The following NLRC5 variants were observed in gnomAD, a reference collection of about 807,000 sequenced individuals.
NLRC5 encodes NLR family CARD domain containing 5.
In NLRC5, 114 loss-of-function variants were observed where a neutral mutation model predicts 206.9. That is an observed-to-expected ratio of 0.55 (90% CI 0.47 to 0.64). The LOEUF (loss-of-function observed/expected upper bound fraction) is 0.64, where lower values mean the gene tolerates loss of function less well. Among genes scored for constraint, NLRC5 ranks in the 30% least tolerant of loss-of-function variants. The pLI is 0.00. For missense variants in NLRC5, 2,008 were observed against 2,305.5 expected (o/e 0.87, Z 2.64); for synonymous variants, 952 against 962.8 (o/e 0.99, Z 0.21).
intron 1 of NLRC5, among the ~76,000 whole-genome samples, chr16:56,998,055 T>C (rs1324270820): frequency 6.6e-6 from 1 of 152,150 alleles, no homozygotes; most frequent in Non-Finnish European, 1.5e-5. Context: ...TCTAGCCGTC[T>C]AGCCCCTCCA....
chr16:56,994,951 G>A (rs1379193280), intron 1 of NLRC5, among the ~76,000 whole-genome samples: 1 of 152,202 alleles, frequency 6.6e-6, no homozygotes, highest in Non-Finnish European at 1.5e-5. Context: ...GAGATGGGCA[G>A]ATCACTTGAG....
Position 57,059,468 on chromosome 16 carries a change from C to A in NLRC5, c.3922C>A (p.Leu1308Met). 1 of 1,608,140 alleles carries A rather than the reference C, an allele frequency of 6.2e-7. No homozygotes were observed. Among genetic ancestry groups the A allele is most frequent in the Non-Finnish European group, 8.5e-7 (1 of 1,177,274 alleles). The change falls in exon 30 of 49, where the codon CTG (leucine) becomes ATG (methionine). Residue 1308 changes from leucine (L) to methionine (M), a missense_variant and splice_region_variant. Leu to Met is a conservative substitution (Grantham distance 15). Transcript: ENST00000688547. ...CPRVREASVN[L>M]GSEQSFRIHF... ...TTCCCCAGGCCCTTCTCTCTGCAGC[C>A]TGGGCTCTGAGCAGAGCTTCCGGAT...
In NLRC5 at chr16:57,054,594, CT is replaced by C. The variant is rs377011776; in HGVS notation, c.3507-156del. On this transcript the variant is annotated intron_variant, in intron 24 of 48. Transcript: ENST00000688547. ...AACTGGGACTCAAATCCAAATCTGCCTGTCCCTCAGCCCTATTTGTGCCTCT... is the reference window on the plus strand; with the variant it reads ...AACTGGGACTCAAATCCAAATCTGCCGTCCCTCAGCCCTATTTGTGCCTCT... Among the ~76,000 whole-genome samples, 795 of 152,246 alleles carry C rather than the reference CT, an allele frequency of 5.2e-3. 6 individuals are homozygous for C. The highest frequency in any genetic ancestry group is 0.018 in the African/African-American group (745 of 41,536).
intron 20 of NLRC5, 91 bp downstream of exon 20, chr16:57,043,695 T>C: frequency 2.0e-6 from 2 of 985,062 alleles, no homozygotes; most frequent in Admixed American, 1.7e-5. Context: ...ACCAGTTTCA[T>C]GCCAACCTGT....
At chr16:57,023,686 G>A (rs753064547) in intron 4 of NLRC5, 99 bp from the exon 5 acceptor site, 7 of 984,412 alleles carry the variant, frequency 7.1e-6, no homozygotes, top group Non-Finnish European at 1.1e-5. Flanking sequence ...TTGGCTGCCT[G>A]CCACCTGTCT....
At chr16:57,010,554 G>A (rs528005417) in intron 1 of NLRC5, among the ~76,000 whole-genome samples, 1 of 152,146 alleles carries the variant, frequency 6.6e-6, no homozygotes, top group South Asian at 2.1e-4. Flanking sequence ...TTTATTTTTT[G>A]TAGAGACTGA....
chr16:57,039,963 C>T (rs1025271330), intron 16 of NLRC5, 114 bp downstream of exon 16: 18 of 930,278 alleles, frequency 1.9e-5, no homozygotes, highest in Middle Eastern at 2.3e-4. Context: ...GACAAATTCA[C>T]GGAAGAGCGG....
At chr16:57,018,072 C>A (rs16965070) in intron 2 of NLRC5, among the ~76,000 whole-genome samples, 9,823 of 152,276 alleles carry the variant, frequency 0.065, 350 homozygotes, top group South Asian at 0.092. Flanking sequence ...GTTAGACTGG[C>A]TGGAGGAGAA....
At chr16:57,048,961 G>A (rs2064410001) in intron 23 of NLRC5, among the ~76,000 whole-genome samples, 1 of 152,118 alleles carries the variant, frequency 6.6e-6, no homozygotes, top group South Asian at 2.1e-4. Flanking sequence ...AGTACGGGAC[G>A]AGCTGCAAGT....
At chr16:56,995,489 A>G (rs2057489390) in intron 1 of NLRC5, among the ~76,000 whole-genome samples, 1 of 152,178 alleles carries the variant, frequency 6.6e-6, no homozygotes, top group Admixed American at 6.5e-5. Flanking sequence ...TTTATTTTTT[A>G]AATGTTTGAA....
Position 57,059,547 on chromosome 16 carries a change from G to T in NLRC5, c.3986+15G>T, listed in dbSNP as rs1488973090. 14 of 1,603,952 alleles carry T rather than the reference G, an allele frequency of 8.7e-6. No individual in the cohort carries two copies. The highest frequency in any genetic ancestry group is 1.1e-5 in the Non-Finnish European group (13 of 1,174,074). ...AAGACACTCAGGTAATCCCTGCAGG[G>T]TGATGGGACAGGGGACAGAGAGGGG... On this transcript the variant is annotated intron_variant, in intron 30 of 48. Coordinates refer to ENST00000688547, the MANE Select transcript of NLRC5 (RefSeq NM_001384950.1).
At chr16:57,030,197 T>TA (rs1242073917) in intron 10 of NLRC5, 113 bp downstream of exon 10, 2 of 815,574 alleles carry the variant, frequency 2.5e-6, no homozygotes, top group Non-Finnish European at 4.0e-6. Flanking sequence ...GTGCATACCC[T>TA]ACTGTTTTAC....
chr16:57,040,719 GTA>G lies in NLRC5; in HGVS notation c.2939+2_2939+3del. The G allele has an allele frequency of 6.2e-7, 1 of 1,613,950 alleles. No individual in the cohort carries two copies. The highest frequency in any genetic ancestry group is 1.1e-5 in the South Asian group (1 of 91,082). On this transcript the variant is annotated splice_donor_variant and splice_donor_region_variant and intron_variant, in intron 17 of 48. Coordinates refer to ENST00000688547, the MANE Select transcript of NLRC5 (RefSeq NM_001384950.1). LOFTEE classifies it high-confidence loss of function. Reference sequence around the variant, plus strand: ...TGCCTCTGAGCTCCCGAAGGATGAGGTACAGTGATGGCCTCCAGCCCTGTGTG... The same window carrying G: ...TGCCTCTGAGCTCCCGAAGGATGAGGCAGTGATGGCCTCCAGCCCTGTGTG...
At chr16:57,016,685 G>C (rs777735567) in intron 1 of NLRC5, among the ~76,000 whole-genome samples, 22 of 152,248 alleles carry the variant, frequency 1.4e-4, no homozygotes, top group Middle Eastern at 3.4e-3. Context: ...TTTATATTGG[G>C]GGCAAAAGTT....
At chr16:57,007,055 T>C (rs1456309297) in intron 1 of NLRC5, among the ~76,000 whole-genome samples, 1 of 152,094 alleles carries the variant, frequency 6.6e-6, no homozygotes, top group South Asian at 2.1e-4. Flanking sequence ...TTCTTGTGGC[T>C]TTTTTAGAAA....
rs145278986 is a variant in NLRC5, at chr16:56,995,743, G to A, written c.-128+6126G>A. Among the ~76,000 whole-genome samples, 92 of 152,318 alleles carry A rather than the reference G, an allele frequency of 6.0e-4. 1 individual carries two copies. The highest frequency in any genetic ancestry group is 2.0e-3 in the African/African-American group (82 of 41,564). On this transcript the variant is annotated intron_variant, in intron 1 of 48. Transcript: ENST00000688547. ...CATTCAGATCTTACCGTGGCATCAT[G>A]TTTGAAGAGAGAAATAGCTTGCTGT... is the stretch of plus-strand genomic sequence containing the variant.
At chr16:57,069,727 T>C (rs543145242) in intron 36 of NLRC5, 109 bp from the exon 37 acceptor site, 2 of 829,684 alleles carry the variant, frequency 2.4e-6, no homozygotes, top group Admixed American at 2.0e-5. Context: ...TCTCCTCACA[T>C]TGCCCGCCAC....
intron 1 of NLRC5, among the ~76,000 whole-genome samples, chr16:57,016,516 C>T (rs531786322): frequency 4.6e-5 from 7 of 152,270 alleles, no homozygotes; most frequent in South Asian, 2.1e-4. Context: ...ATCTCTGTTG[C>T]GTGGTGTGGG....
intron 1 of NLRC5, chr16:57,013,155 A>G: frequency 2.8e-6 from 1 of 352,934 alleles, no homozygotes; most frequent in Non-Finnish European, 5.5e-6. Context: ...CATAGGATTT[A>G]GAAAATTTAA....
Sources: allele counts gnomAD v4.1 joint callset (sites outside exome capture counted in the v4.1 genomes callset), GRCh38; gene constraint gnomAD v4.1.1; transcripts MANE v1.5; gene names NCBI Gene and HGNC (gene_info 2026-07-23, HGNC 2026-07-21).